NRCAM: variants seen among roughly 807,000 people sequenced by gnomAD.
NRCAM encodes the protein neuronal cell adhesion molecule.
A neutral mutation model predicts 156.5 loss-of-function variants in NRCAM; 83 were observed. That is an observed-to-expected ratio of 0.53 (90% CI 0.44 to 0.64). NRCAM has a LOEUF of 0.64. Among genes scored for constraint, NRCAM ranks in the 30% least tolerant of loss-of-function variants. NRCAM has a pLI of 0.00. For missense variants in NRCAM, 1,417 were observed against 1,597.3 expected, an observed-to-expected ratio of 0.89 and a Z score of 1.92; for synonymous variants, 538 against 563.9, an observed-to-expected ratio of 0.95 and a Z score of 0.65.
In NRCAM at chr7:108,240,561, T is replaced by C. The variant is rs528906746; in HGVS notation, c.-106-391A>G. ...AATGGCTTCTCCATTCTACAGATTA[T>C]CTCTGGGAAAGTTCAGGGGATTGTT... is the stretch of plus-strand genomic sequence containing the variant. On this transcript the variant is annotated intron_variant, in intron 3 of 32. Transcript: ENST00000379028. 2.6e-5 allele frequency among the ~76,000 whole-genome samples: 4 copies of C among 152,316 alleles called. No homozygotes were observed. In the South Asian group the frequency reaches 6.2e-4, roughly 24 times the overall value.
intron 3 of NRCAM, among the ~76,000 whole-genome samples, chr7:108,272,665 A>ATATATATATCACTTTGATTATATATATT (rs2097406964): frequency 2.0e-5 from 3 of 151,508 alleles, no homozygotes; most frequent in Non-Finnish European, 4.4e-5. Flanking sequence ...AAAAGGTAAC[A>ATATATATATCACTTTGATTATATATATT]TATATATATC....
chr7:108,432,880 G>T (rs1255811003), intron 1 of NRCAM, among the ~76,000 whole-genome samples: 4 of 151,720 alleles, frequency 2.6e-5, no homozygotes, highest in Non-Finnish European at 4.4e-5. Context: ...GTGACAGAGT[G>T]AGACTCTGAA....
At chr7:108,414,836 C>T (rs1206283704) in intron 1 of NRCAM, among the ~76,000 whole-genome samples, 2 of 152,090 alleles carry the variant, frequency 1.3e-5, no homozygotes, top group Non-Finnish European at 2.9e-5. Flanking sequence ...GAAGAGTCAC[C>T]TTGGTGAAGC....
Position 108,178,006 on chromosome 7 carries a change from G to T in NRCAM, c.2958C>A (p.Thr986=). The change falls in exon 26 of 33, where the codon ACC becomes ACA. Residue 986 remains threonine, a synonymous_variant. Coordinates refer to ENST00000379028, the MANE Select transcript of NRCAM (RefSeq NM_001037132.4). ...SHPNGILTEY[T]LKYQPINSTH... Reference sequence around the variant, plus strand: ...ACAGCTTACTTGGCTGATACTTTAAGGTGTACTCTGTCAAAATGCCATTCG... The same window carrying T: ...ACAGCTTACTTGGCTGATACTTTAATGTGTACTCTGTCAAAATGCCATTCG... 6.2e-7 allele frequency: 1 copy of T among 1,612,840 alleles called. No homozygotes were observed. The highest frequency in any genetic ancestry group is 8.5e-7 in the Non-Finnish European group (1 of 1,179,254).
intron 3 of NRCAM, among the ~76,000 whole-genome samples, chr7:108,289,230 T>C (rs1296514168): frequency 2.0e-5 from 3 of 152,106 alleles, no homozygotes; most frequent in African/African-American, 7.2e-5. Context: ...AGTGTAGTCA[T>C]TTAGGTACTT....
chr7:108,307,179 T>TA (rs1305072597), intron 3 of NRCAM, among the ~76,000 whole-genome samples: 5 of 152,208 alleles, frequency 3.3e-5, no homozygotes, highest in African/African-American at 1.2e-4. Flanking sequence ...GACCCATGTG[T>TA]AAAAGGGCTC....
intron 8 of NRCAM, among the ~76,000 whole-genome samples, chr7:108,226,583 G>A (rs868860838): frequency 2.0e-4 from 30 of 150,966 alleles, no homozygotes; most frequent in African/African-American, 6.6e-4. Context: ...CTACTTCCCT[G>A]ACAGTAACTT....
intron 3 of NRCAM, among the ~76,000 whole-genome samples, chr7:108,282,813 C>T (rs547560451): frequency 3.9e-5 from 6 of 152,300 alleles, no homozygotes; most frequent in East Asian, 3.9e-4. Flanking sequence ...GTAAAAGACA[C>T]GACCTTCAAA....
chr7:108,202,337 C>T (rs369122880), intron 13 of NRCAM, among the ~76,000 whole-genome samples: 16 of 152,134 alleles, frequency 1.1e-4, no homozygotes, highest in Non-Finnish European at 1.6e-4. Flanking sequence ...GAACAGAGTA[C>T]GATCAATCTT....
chr7:108,178,253 C>A (rs1031963752), intron 25 of NRCAM, 141 bp from the exon 26 acceptor site: 12 of 743,742 alleles, frequency 1.6e-5, no homozygotes, highest in Non-Finnish European at 2.6e-5. Flanking sequence ...TACATTAGTA[C>A]AAACCTGTGA....
rs938313390 is a variant in NRCAM at position 108,370,332 on chromosome 7, T to G, written c.-174+29104A>C. Among the ~76,000 whole-genome samples the G allele has an allele frequency of 2.0e-5, 3 of 152,192 alleles. No individual in the cohort carries two copies. In the South Asian group the frequency reaches 6.2e-4, roughly 32 times the overall value. On this transcript the variant is annotated intron_variant, in intron 2 of 32. Transcript: ENST00000379028. ...ATATTTGGAGGGCTTTCTTTGCGTC[T>G]TACTTTCTATGCCAACTCTCTCAGA...
intron 2 of NRCAM, among the ~76,000 whole-genome samples, chr7:108,371,869 A>G (rs1447775458): frequency 3.9e-5 from 6 of 152,204 alleles, no homozygotes; most frequent in Non-Finnish European, 1.5e-5. Flanking sequence ...AGAAAAAACA[A>G]TTCTATAATT....
chr7:108,207,254 A>T (rs2081639801), intron 13 of NRCAM: 1 of 272,158 alleles, frequency 3.7e-6, no homozygotes, highest in Non-Finnish European at 6.9e-6. Flanking sequence ...TTTATTTCTG[A>T]CCCTGTCATT....
chr7:108,444,058 G>A (rs1328817911), intron 1 of NRCAM, among the ~76,000 whole-genome samples: 1 of 151,840 alleles, frequency 6.6e-6, no homozygotes, highest in Non-Finnish European at 1.5e-5. Flanking sequence ...ATCACTGATG[G>A]AAAATATCCT....
chr7:108,234,535 T>A (rs1240080033), intron 6 of NRCAM, 48 bp downstream of exon 6: 2 of 1,127,998 alleles, frequency 1.8e-6, no homozygotes, highest in Non-Finnish European at 2.7e-6. Flanking sequence ...TTCAGAGAGA[T>A]TTCCTGATTT....
At chr7:108,441,888 C>T (rs1838945865) in intron 1 of NRCAM, among the ~76,000 whole-genome samples, 1 of 152,182 alleles carries the variant, frequency 6.6e-6, no homozygotes, top group Non-Finnish European at 1.5e-5. Context: ...TTTGTACTAT[C>T]TCGCCCTTCA....
chr7:108,177,419 C>A (rs542416426), intron 26 of NRCAM, among the ~76,000 whole-genome samples: 2 of 152,106 alleles, frequency 1.3e-5, no homozygotes, highest in Admixed American at 1.3e-4. Context: ...GTCAGGAGAT[C>A]AAGACCATCC....
At chr7:108,353,032 C>T (rs1242002609) in intron 2 of NRCAM, among the ~76,000 whole-genome samples, 4 of 148,608 alleles carry the variant, frequency 2.7e-5, no homozygotes, top group East Asian at 2.0e-4. Flanking sequence ...TTAAATTATA[C>T]GAGTGACATG....
intron 13 of NRCAM, among the ~76,000 whole-genome samples, chr7:108,201,672 C>G (rs764288781): frequency 2.6e-5 from 4 of 152,208 alleles, no homozygotes; most frequent in Non-Finnish European, 4.4e-5. Context: ...GGAGACTCAT[C>G]AGTCACAAAC....
Sources: allele counts gnomAD v4.1 joint callset (sites outside exome capture counted in the v4.1 genomes callset), GRCh38; gene constraint gnomAD v4.1.1; transcripts MANE v1.5; gene names NCBI Gene and HGNC (gene_info 2026-07-23, HGNC 2026-07-21).